Variants in OSBPL8 observed in about 807,000 individuals in gnomAD.
The protein encoded by OSBPL8 is oxysterol binding protein like 8, also known as oxysterol-binding protein-related protein 8.
OSBPL8 carries 59 observed loss-of-function variants against 125.5 expected under a neutral mutation model. The observed-to-expected ratio is 0.47, with a 90% CI of 0.38 to 0.58. The LOEUF is 0.58. Among genes scored for constraint, OSBPL8 ranks in the 20% least tolerant of loss-of-function variants. The pLI, the probability that OSBPL8 is intolerant of heterozygous loss-of-function variation, is 0.00. For missense variants in OSBPL8, 758 were observed against 1,047.8 expected, an observed-to-expected ratio of 0.72 and a Z score of 3.82; for synonymous variants, 330 against 338.9, an observed-to-expected ratio of 0.97 and a Z score of 0.29.
chr12:76,511,862 C>T (rs1210593953), intron 1 of OSBPL8, among the ~76,000 whole-genome samples: 9 of 152,146 alleles, frequency 5.9e-5, no homozygotes, highest in African/African-American at 1.7e-4. Flanking sequence ...TTCGGTTTTA[C>T]ATTTAAGTCT....
At chr12:76,447,753 G>T (rs1373607184) in intron 4 of OSBPL8, among the ~76,000 whole-genome samples, 1 of 152,056 alleles carries the variant, frequency 6.6e-6, no homozygotes, top group Non-Finnish European at 1.5e-5. Flanking sequence ...CACCATGTTG[G>T]CCAGGCTGGT....
intron 13 of OSBPL8, 82 bp from the exon 14 acceptor site, chr12:76,386,348 C>T (rs572443253): frequency 2.0e-6 from 3 of 1,475,418 alleles, no homozygotes; most frequent in South Asian, 1.4e-5. Flanking sequence ...ATGGGTTTAA[C>T]TCTACCATCT....
intron 1 of OSBPL8, among the ~76,000 whole-genome samples, chr12:76,503,592 G>A (rs928070692): frequency 6.6e-6 from 1 of 152,180 alleles, no homozygotes; most frequent in Non-Finnish European, 1.5e-5. Flanking sequence ...AGGCTGGAGT[G>A]CAGTGGCGCG....
At chr12:76,487,966 G>C (rs1878331270) in intron 1 of OSBPL8, among the ~76,000 whole-genome samples, 1 of 152,178 alleles carries the variant, frequency 6.6e-6, no homozygotes, top group Non-Finnish European at 1.5e-5. Context: ...TCATGGGAGA[G>C]AATGTGGGGA....
chr12:76,435,171 T>TGTGC (rs1167295744), intron 4 of OSBPL8, among the ~76,000 whole-genome samples: 12 of 152,042 alleles, frequency 7.9e-5, no homozygotes, highest in Middle Eastern at 3.4e-3. Flanking sequence ...TGTGTGTGTG[T>TGTGC]GTGTGTGTGT....
Position 76,558,237 on chromosome 12 carries a change from C to A in OSBPL8, c.-68+1160G>T, listed in dbSNP as rs527829789. 2.0e-5 allele frequency among the ~76,000 whole-genome samples: 3 copies of A among 152,262 alleles called. No homozygotes were observed. The South Asian group carries it at 6.2e-4, about 32-fold the overall frequency. On this transcript the variant is annotated intron_variant, in intron 1 of 23. Transcript: ENST00000261183. ...ATTCCAACCTATTTTATAAAACTAG[C>A]ATGATCTTAATAATTTCACTGCAAA...
At chr12:76,415,589 C>T (rs1468039300) in intron 4 of OSBPL8, among the ~76,000 whole-genome samples, 3 of 152,126 alleles carry the variant, frequency 2.0e-5, no homozygotes, top group Non-Finnish European at 4.4e-5. Context: ...TAGGACTATT[C>T]AGATATTCCG....
At chr12:76,540,765 CAT>C (rs1348750954) in intron 1 of OSBPL8, among the ~76,000 whole-genome samples, 1 of 151,588 alleles carries the variant, frequency 6.6e-6, no homozygotes, top group Non-Finnish European at 1.5e-5. Flanking sequence ...CTCACACACA[CAT>C]ACACATGCAC....
At chr12:76,434,936 G>A (rs1207185204) in intron 4 of OSBPL8, among the ~76,000 whole-genome samples, 3 of 152,146 alleles carry the variant, frequency 2.0e-5, no homozygotes, top group Non-Finnish European at 4.4e-5. Context: ...ATTATGGAAA[G>A]CAGTATGAAG....
intron 1 of OSBPL8, among the ~76,000 whole-genome samples, chr12:76,518,096 T>C (rs1171598289): frequency 6.6e-6 from 1 of 152,192 alleles, no homozygotes. Flanking sequence ...ATCAACTCAA[T>C]GAAAAGTCTG....
chr12:76,494,360 G>A (rs1352354749), intron 1 of OSBPL8, among the ~76,000 whole-genome samples: 1 of 152,154 alleles, frequency 6.6e-6, no homozygotes, highest in East Asian at 1.9e-4. Flanking sequence ...TACTCTAAGT[G>A]ATATGAGAAC....
chr12:76,469,464 C>T (rs543814272), intron 2 of OSBPL8, among the ~76,000 whole-genome samples: 55 of 152,304 alleles, frequency 3.6e-4, no homozygotes, highest in African/African-American at 1.3e-3. Flanking sequence ...GCAACACTGA[C>T]TCTGTACCTC....
At chr12:76,435,972 C>T (rs1213083853) in intron 4 of OSBPL8, among the ~76,000 whole-genome samples, 1 of 152,118 alleles carries the variant, frequency 6.6e-6, no homozygotes, top group Non-Finnish European at 1.5e-5. Context: ...GCTCTCAAAA[C>T]ATAAAGAAAA....
At chr12:76,405,420 C>T (rs1218255989) in intron 5 of OSBPL8, among the ~76,000 whole-genome samples, 1 of 152,158 alleles carries the variant, frequency 6.6e-6, no homozygotes, top group Admixed American at 6.5e-5. Flanking sequence ...GATTGCACCA[C>T]TGCACTCCAG....
intron 4 of OSBPL8, among the ~76,000 whole-genome samples, chr12:76,426,244 C>T (rs1024277020): frequency 6.6e-6 from 1 of 152,156 alleles, no homozygotes; most frequent in Non-Finnish European, 1.5e-5. Flanking sequence ...CAGCTGTAGC[C>T]AATCATGCTA....
intron 7 of OSBPL8, among the ~76,000 whole-genome samples, 186 bp from the exon 8 acceptor site, chr12:76,398,083 GA>G (rs1036293167): frequency 2.0e-5 from 3 of 152,136 alleles, no homozygotes; most frequent in African/African-American, 7.2e-5. Context: ...TTATTTCTAA[GA>G]AACTTAAATT....
intron 1 of OSBPL8, among the ~76,000 whole-genome samples, chr12:76,507,444 A>G (rs1880523648): frequency 6.6e-6 from 1 of 151,726 alleles, no homozygotes; most frequent in South Asian, 2.1e-4. Context: ...TATATGATAA[A>G]TATGTGACTT....
chr12:76,510,278 A>T (rs2137178102), intron 1 of OSBPL8, among the ~76,000 whole-genome samples: 1 of 152,348 alleles, frequency 6.6e-6, no homozygotes, highest in Non-Finnish European at 1.5e-5. Context: ...AGTTACTAAT[A>T]AAATGCACAA....
chr12:76,551,792 T>A (rs957683099), intron 1 of OSBPL8, among the ~76,000 whole-genome samples: 1 of 152,294 alleles, frequency 6.6e-6, no homozygotes, highest in African/African-American at 2.4e-5. Flanking sequence ...ATTATTACAG[T>A]CTCGACTACC....
Sources: allele counts gnomAD v4.1 joint callset (sites outside exome capture counted in the v4.1 genomes callset), GRCh38; gene constraint gnomAD v4.1.1; transcripts MANE v1.5; gene names NCBI Gene and HGNC (gene_info 2026-07-23, HGNC 2026-07-21).